The following MACROD2 variants were observed in gnomAD, a reference collection of about 807,000 sequenced individuals.
MACROD2 encodes mono-ADP ribosylhydrolase 2, also known as ADP-ribose glycohydrolase MACROD2.
MACROD2 carries 36 observed loss-of-function variants against 70.4 expected under a neutral mutation model. That is an observed-to-expected ratio of 0.51 (90% CI 0.39 to 0.68). The LOEUF is 0.68. Among genes scored for constraint, MACROD2 ranks in the 30% least tolerant of loss-of-function variants. The probability of loss-of-function intolerance (pLI) is 0.00; values close to 1 mark genes in which losing one functional copy is unlikely to be tolerated. For synonymous variants in MACROD2, 172 were observed against 178.8 expected (o/e 0.96, Z 0.30); for missense variants, 496 against 538.4 (o/e 0.92, Z 0.78).
At chr20:14,299,901 C>CA (rs762568808) in intron 3 of MACROD2, among the ~76,000 whole-genome samples, 1 of 151,998 alleles carries the variant, frequency 6.6e-6, no homozygotes, top group Non-Finnish European at 1.5e-5. Context: ...TTCTAAATTT[C>CA]ACATTTTTTT....
intron 5 of MACROD2, among the ~76,000 whole-genome samples, chr20:14,711,017 G>A (rs775096654): frequency 1.3e-5 from 2 of 152,268 alleles, no homozygotes; most frequent in Non-Finnish European, 2.9e-5. Context: ...TTCCTATCAG[G>A]TGTATTGGAG....
At chr20:15,939,935 G>A (rs2065725713) in intron 12 of MACROD2, among the ~76,000 whole-genome samples, 2 of 152,144 alleles carry the variant, frequency 1.3e-5, no homozygotes, top group Admixed American at 6.5e-5. Context: ...GAAATGTCAA[G>A]AGAACTAGAA....
At chr20:14,532,635 T>TGA (rs1182826211) in intron 4 of MACROD2, among the ~76,000 whole-genome samples, 1 of 152,162 alleles carries the variant, frequency 6.6e-6, no homozygotes, top group Non-Finnish European at 1.5e-5. Flanking sequence ...TAGTTTTCAT[T>TGA]AGCAGTTTCT....
At chr20:15,374,720 G>A (rs1338097947) in intron 6 of MACROD2, among the ~76,000 whole-genome samples, 2 of 152,028 alleles carry the variant, frequency 1.3e-5, no homozygotes, top group Non-Finnish European at 2.9e-5. Context: ...CCACTCTCCC[G>A]TTACACTTAA....
At chr20:14,354,690 A>G (rs1201664287) in intron 3 of MACROD2, among the ~76,000 whole-genome samples, 2 of 152,164 alleles carry the variant, frequency 1.3e-5, no homozygotes, top group East Asian at 3.9e-4. Context: ...TCGGGGTACA[A>G]ATGATCTTAT....
At chr20:14,572,386 A>G (rs571231766) in intron 4 of MACROD2, among the ~76,000 whole-genome samples, 121 of 152,250 alleles carry the variant, frequency 7.9e-4, no homozygotes, top group Admixed American at 1.9e-3. Context: ...CTAAAGCTGA[A>G]CATATACCTA....
At chr20:15,873,558 AG>A (rs1162170354) in intron 9 of MACROD2, among the ~76,000 whole-genome samples, 1 of 151,888 alleles carries the variant, frequency 6.6e-6, no homozygotes, top group Non-Finnish European at 1.5e-5. Context: ...TTGTATATTA[AG>A]GTTATTAATC....
chr20:15,446,132 C>G (rs934037247), intron 7 of MACROD2, among the ~76,000 whole-genome samples: 1 of 152,194 alleles, frequency 6.6e-6, no homozygotes, highest in African/African-American at 2.4e-5. Flanking sequence ...ATTCTCTCCT[C>G]TGTGTCTTCT....
intron 4 of MACROD2, among the ~76,000 whole-genome samples, chr20:14,546,738 A>G (rs759829502): frequency 7.2e-5 from 11 of 151,834 alleles, no homozygotes; most frequent in African/African-American, 1.5e-4. Flanking sequence ...TATTCTCTCA[A>G]CTTTTCTTTT....
chr20:15,645,639 A>G (rs769706911), intron 8 of MACROD2, among the ~76,000 whole-genome samples: 4 of 152,216 alleles, frequency 2.6e-5, no homozygotes, highest in South Asian at 2.1e-4. Context: ...TTATCGGGGT[A>G]AAATAGGTGG....
At chr20:15,005,698 T>C (rs8117626) in intron 5 of MACROD2, among the ~76,000 whole-genome samples, 15,386 of 152,080 alleles carry the variant, frequency 0.1, 1,713 homozygotes, top group African/African-American at 0.28. Flanking sequence ...AGTTCTCAAA[T>C]TGCGAATTCT....
chr20:15,234,013 T>TATA (rs1568657569), intron 6 of MACROD2, among the ~76,000 whole-genome samples: 8 of 8,672 alleles, frequency 9.2e-4, no homozygotes, highest in Non-Finnish European at 1.4e-3. Context: ...ATATATATTC[T>TATA]TTTTTTTTTT....
intron 8 of MACROD2, among the ~76,000 whole-genome samples, chr20:15,506,094 C>T (rs1008015418): frequency 2.0e-5 from 3 of 152,156 alleles, no homozygotes; most frequent in African/African-American, 7.2e-5. Flanking sequence ...TCCAGCTCGG[C>T]AAGTTGATGC....
chr20:14,458,278 G>T (rs931507375), intron 3 of MACROD2, among the ~76,000 whole-genome samples: 1 of 151,926 alleles, frequency 6.6e-6, no homozygotes, highest in Non-Finnish European at 1.5e-5. Flanking sequence ...TTTTATGATT[G>T]TGGCATATTT....
chr20:14,716,487 T>C (rs1194572364), intron 5 of MACROD2, among the ~76,000 whole-genome samples: 1 of 152,192 alleles, frequency 6.6e-6, no homozygotes, highest in Non-Finnish European at 1.5e-5. Context: ...TAATTCTTTC[T>C]GCCATTGGTT....
At chr20:14,383,677 T>A (rs1385107127) in intron 3 of MACROD2, among the ~76,000 whole-genome samples, 2 of 152,204 alleles carry the variant, frequency 1.3e-5, no homozygotes, top group South Asian at 4.1e-4. Flanking sequence ...TATTACAACT[T>A]GTAATTAGAA....
intron 6 of MACROD2, among the ~76,000 whole-genome samples, chr20:15,253,833 G>T (rs6034134): frequency 0.45 from 69,012 of 152,106 alleles, 17,639 homozygotes; most frequent in African/African-American, 0.68. Flanking sequence ...TTCAAATTCT[G>T]CAGTCACCGA....
intron 17 of MACROD2, among the ~76,000 whole-genome samples, chr20:16,047,564 C>G (rs2067400250): frequency 6.6e-6 from 1 of 152,142 alleles, no homozygotes; most frequent in Non-Finnish European, 1.5e-5. Context: ...TGCTCGTTGC[C>G]TGGAATCCAG....
intron 6 of MACROD2, among the ~76,000 whole-genome samples, chr20:15,399,453 A>G (rs2045901174): frequency 6.6e-6 from 1 of 152,224 alleles, no homozygotes; most frequent in Non-Finnish European, 1.5e-5. Context: ...TGGAGCATAT[A>G]TCTAGCATGC....
Sources: gnomAD v4.1 joint callset for allele counts (sites outside exome capture counted in the v4.1 genomes callset) on GRCh38, gnomAD v4.1.1 for gene constraint, MANE v1.5 for transcripts, NCBI Gene and HGNC (gene_info 2026-07-23, HGNC 2026-07-21) for gene names.